SLC4A4: variants seen among roughly 807,000 people sequenced by gnomAD.
SLC4A4 encodes solute carrier family 4 member 4, also known as electrogenic sodium bicarbonate cotransporter 1.
Under a neutral mutation model 111.5 loss-of-function variants are expected in SLC4A4, and 27 were observed. The ratio of observed to expected loss-of-function variants is 0.24; its 90% confidence interval spans 0.18 to 0.33. SLC4A4 has a LOEUF of 0.33. Ranked by LOEUF, SLC4A4 falls within the 10% of genes least tolerant of loss-of-function variation. The pLI, the probability that SLC4A4 is intolerant of heterozygous loss-of-function variation, is 1.00. For missense variants in SLC4A4, 909 were observed against 1,315.5 expected (o/e 0.69, Z 4.78); for synonymous variants, 443 against 463.4 (o/e 0.96, Z 0.57).
chr4:71,176,522 C>T (rs1462518307), intron 2 of SLC4A4, among the ~76,000 whole-genome samples: 2 of 152,126 alleles, frequency 1.3e-5, no homozygotes, highest in African/African-American at 4.8e-5. Context: ...ACGAGAACTA[C>T]GTGACAAATG....
chr4:71,178,065 G>A (rs572650628), intron 2 of SLC4A4, among the ~76,000 whole-genome samples: 1 of 152,222 alleles, frequency 6.6e-6, no homozygotes, highest in South Asian at 2.1e-4. Flanking sequence ...TGAACAACCT[G>A]CTCCTGAATG....
chr4:71,508,690 G>A (rs996444923), intron 16 of SLC4A4, among the ~76,000 whole-genome samples: 1 of 152,164 alleles, frequency 6.6e-6, no homozygotes, highest in Non-Finnish European at 1.5e-5. Flanking sequence ...ACAAAGAAGA[G>A]CTGGTATCAT....
chr4:71,516,387 G>C (rs903418323), intron 16 of SLC4A4, among the ~76,000 whole-genome samples: 1 of 152,010 alleles, frequency 6.6e-6, no homozygotes, highest in Admixed American at 6.5e-5. Context: ...GTGAGCCACC[G>C]CGCCCAGCCA....
intron 1 of SLC4A4, among the ~76,000 whole-genome samples, chr4:71,065,660 C>G (rs1465239511): frequency 6.6e-6 from 1 of 152,114 alleles, no homozygotes; most frequent in East Asian, 1.9e-4. Flanking sequence ...CATGATCTCT[C>G]TTGCTTCTGG....
chr4:71,221,122 G>T (rs981385272), intron 1 of SLC4A4, among the ~76,000 whole-genome samples: 2 of 152,084 alleles, frequency 1.3e-5, no homozygotes, highest in African/African-American at 4.8e-5. Flanking sequence ...TGTCATTAAC[G>T]GGCATTTAGG....
intron 3 of SLC4A4, among the ~76,000 whole-genome samples, chr4:71,258,757 C>T (rs1006191151): frequency 7.9e-5 from 12 of 152,150 alleles, no homozygotes; most frequent in African/African-American, 1.9e-4. Context: ...ATCTGGTCTT[C>T]GCTTTTAATT....
chr4:71,504,664 G>T (rs990767859), intron 16 of SLC4A4, among the ~76,000 whole-genome samples: 2 of 34,672 alleles, frequency 5.8e-5, no homozygotes, highest in Non-Finnish European at 8.0e-5. Flanking sequence ...TGTGTTTCAT[G>T]GGGGGGGGGG....
chr4:71,243,941 C>A (rs1175613321), intron 2 of SLC4A4, among the ~76,000 whole-genome samples: 3 of 151,986 alleles, frequency 2.0e-5, no homozygotes, highest in African/African-American at 7.3e-5. Flanking sequence ...TTTTACCAGG[C>A]CAAAAACTTC....
At chr4:71,447,544 AC>A (rs1446357942) in intron 8 of SLC4A4, 101 bp from the exon 9 acceptor site, 8 of 767,388 alleles carry the variant, frequency 1.0e-5, no homozygotes, top group Non-Finnish European at 1.9e-5. Context: ...TGAATTCTAG[AC>A]CTAACCTTTT....
At chr4:71,255,074 G>A in intron 2 of SLC4A4, 146 bp from the exon 3 acceptor site, 9 of 832,692 alleles carry the variant, frequency 1.1e-5, no homozygotes, top group Admixed American at 1.8e-5. Flanking sequence ...AAATTGGGAG[G>A]AAATTTTATT....
Position 71,445,567 on chromosome 4 carries a change from T to C in SLC4A4, c.966-2079T>C, listed in dbSNP as rs574496646. 4.6e-5 allele frequency among the ~76,000 whole-genome samples: 7 copies of C among 152,280 alleles called. No individual in the cohort carries two copies. The South Asian group carries it at 1.5e-3, about 32-fold the overall frequency. On this transcript the variant is annotated intron_variant, in intron 8 of 25. Coordinates refer to ENST00000264485, the MANE Select transcript of SLC4A4 (RefSeq NM_001098484.3). ...AATAAAAATGGAAGCAGAAGAAATC[T>C]ATTATTTAAAAATGTACTAAGGATC...
intron 3 of SLC4A4, among the ~76,000 whole-genome samples, chr4:71,277,588 CTTT>C (rs1241509627): frequency 6.8e-6 from 1 of 146,134 alleles, no homozygotes; most frequent in African/African-American, 2.6e-5. Flanking sequence ...TTCCTTCCTT[CTTT>C]CTTTCTCTCT....
At chr4:71,455,261 A>G (rs1317975050) in intron 12 of SLC4A4, among the ~76,000 whole-genome samples, 1 of 152,206 alleles carries the variant, frequency 6.6e-6, no homozygotes, top group Non-Finnish European at 1.5e-5. Context: ...CTGTGTTACC[A>G]GTGAGAGATC....
chr4:71,410,089 G>T (rs1244091293), intron 7 of SLC4A4, among the ~76,000 whole-genome samples: 1 of 152,212 alleles, frequency 6.6e-6, no homozygotes, highest in Non-Finnish European at 1.5e-5. Context: ...AAAGTTTGCT[G>T]CAGGGGTGGG....
chr4:71,379,825 GT>G (rs916483606), intron 6 of SLC4A4, among the ~76,000 whole-genome samples: 6 of 149,816 alleles, frequency 4.0e-5, no homozygotes, highest in African/African-American at 7.3e-5. Flanking sequence ...GTATGAATTA[GT>G]TTTTTTTTTC....
At chr4:71,154,745 T>C (rs1744412443) in intron 2 of SLC4A4, among the ~76,000 whole-genome samples, 1 of 152,152 alleles carries the variant, frequency 6.6e-6, no homozygotes, top group Non-Finnish European at 1.5e-5. Flanking sequence ...CTACATTTAA[T>C]AGATTAAGAA....
chr4:71,457,037 T>C (rs1307091682), intron 12 of SLC4A4, among the ~76,000 whole-genome samples: 1 of 152,154 alleles, frequency 6.6e-6, no homozygotes, highest in African/African-American at 2.4e-5. Context: ...AGGGCCTTTA[T>C]TGTCAGGCTA....
intron 6 of SLC4A4, among the ~76,000 whole-genome samples, chr4:71,378,611 T>C (rs1042253752): frequency 2.0e-5 from 3 of 152,214 alleles, no homozygotes; most frequent in Admixed American, 2.0e-4. Flanking sequence ...ATACTTGAAT[T>C]CGTTTGTCTG....
chr4:71,424,087 A>G (rs1402654368), intron 7 of SLC4A4, among the ~76,000 whole-genome samples: 1 of 152,198 alleles, frequency 6.6e-6, no homozygotes, highest in African/African-American at 2.4e-5. Flanking sequence ...TTCGCAACCT[A>G]CTCTTCTGAC....
Sources: allele counts gnomAD v4.1 joint callset (sites outside exome capture counted in the v4.1 genomes callset), GRCh38; gene constraint gnomAD v4.1.1; transcripts MANE v1.5; gene names NCBI Gene and HGNC (gene_info 2026-07-23, HGNC 2026-07-21).